The following AQP7 variants were observed in gnomAD, a reference collection of about 807,000 sequenced individuals.
AQP7 encodes aquaporin 7.
AQP7 carries 22 observed loss-of-function variants against 26.1 expected under a neutral mutation model. The ratio of observed to expected loss-of-function variants is 0.84; its 90% confidence interval spans 0.60 to 1.20. The LOEUF (loss-of-function observed/expected upper bound fraction) is 1.20. AQP7 is among the 50% of genes most tolerant of loss of function. AQP7 has a pLI of 0.00. For synonymous variants in AQP7, 167 were observed against 181.7 expected, an observed-to-expected ratio of 0.92 and a Z score of 0.65; for missense variants, 412 against 457.5, an observed-to-expected ratio of 0.90 and a Z score of 0.91.
Position 33,387,004 on chromosome 9 carries a change from A to G in AQP7, c.233T>C (p.Val78Ala). 1.2e-6 allele frequency: 2 copies of G among 1,611,836 alleles called. No individual in the cohort carries two copies. The highest frequency in any genetic ancestry group is 1.7e-6 in the Non-Finnish European group (2 of 1,179,810). Reference sequence around the variant, plus strand: ...GCCTGCCACGTGCACTCCCATGGTGACTCCGAAGCCAAAACCCAAGTTGAC... The same window carrying G: ...GCCTGCCACGTGCACTCCCATGGTGGCTCCGAAGCCAAAACCCAAGTTGAC... ...LGVNLGFGFG[V>A]TMGVHVAGRI... Residue 78 changes from valine to alanine, a missense_variant, in exon 4 of 8, where the codon GTC becomes GCC. Physicochemically the swap from Val to Ala is moderately conservative, Grantham distance 64. Coordinates refer to ENST00000297988, the MANE Select transcript of AQP7 (RefSeq NM_001170.3).
chr9:33,401,209 G>A, intron 2 of AQP7, 28 bp downstream of exon 2: 1 of 1,548,944 alleles, frequency 6.5e-7, no homozygotes, highest in Non-Finnish European at 8.7e-7. Flanking sequence ...CAGGGGGCTG[G>A]AGGGTGAGAA....
Position 33,395,098 on chromosome 9 carries a change from T to C in AQP7, c.124A>G (p.Met42Val), listed in dbSNP as rs1278071704. Reference protein sequence around the residue: ...KMVREFLAEFMSTYVMMVFGL... With the variant: ...KMVREFLAEFVSTYVMMVFGL... ...CTCACCATCATGACATATGTGCTCA[T>C]GAACTCGGCCAGGAACTCTCGCACC... Residue 42 changes from methionine to valine, a missense_variant, in exon 3 of 8, where the codon ATG (methionine) becomes GTG (valine). Physicochemically the swap from Met to Val is conservative, Grantham distance 21. Coordinates refer to ENST00000297988, the MANE Select transcript of AQP7 (RefSeq NM_001170.3). 6.2e-7 allele frequency: 1 copy of C among 1,612,710 alleles called. No homozygotes were observed. The highest frequency in any genetic ancestry group is 8.5e-7 in the Non-Finnish European group (1 of 1,178,948).
At chr9:33,389,228 G>A (rs549635873) in intron 3 of AQP7, among the ~76,000 whole-genome samples, 5 of 152,098 alleles carry the variant, frequency 3.3e-5, no homozygotes, top group Non-Finnish European at 5.9e-5. Flanking sequence ...AGGGTTTCAC[G>A]ATGTTGGCCA....
rs56104042 is a variant in AQP7 at position 33,394,501 on chromosome 9, T to C, written c.144+577A>G. 2.9e-3 allele frequency among the ~76,000 whole-genome samples: 361 copies of C among 125,780 alleles called. 1 individual carries two copies. The highest frequency in any genetic ancestry group is 8.4e-3 in the Middle Eastern group (2 of 238). The allele number at this position is 125,780 out of a possible 152,430, so 82.5% of individuals were successfully genotyped here. A position where few individuals can be genotyped will look rare whatever the true frequency, so the allele number is the denominator to read the frequency against. On this transcript the variant is annotated intron_variant, in intron 3 of 7. Transcript: ENST00000297988. The stretch of plus-strand genomic sequence containing the variant: ...CTCTCTCTCTCTTTTTTTTTTTTTT[T>C]CTTTTTTTTTTTTGAGACAGAGTTT...
intron 2 of AQP7, 87 bp from the exon 3 acceptor site, chr9:33,395,282 T>C (rs144268848): frequency 6.8e-5 from 79 of 1,153,846 alleles, no homozygotes; most frequent in Middle Eastern, 6.3e-4. Context: ...GCTGAGTTAA[T>C]AGGTAACCCA....
intron 4 of AQP7, among the ~76,000 whole-genome samples, 155 bp downstream of exon 4, chr9:33,386,814 G>A (rs553277349): frequency 3.9e-5 from 6 of 152,322 alleles, no homozygotes; most frequent in East Asian, 1.9e-4. Flanking sequence ...GGGCAAACAC[G>A]TCATAGGCAC....
Position 33,385,078 on chromosome 9 carries a change from A to G in AQP7, c.956T>C (p.Val319Ala). The G allele has an allele frequency of 1.2e-6, 2 of 1,611,978 alleles. No homozygotes were observed. Among genetic ancestry groups the G allele is most frequent in the Non-Finnish European group, 1.7e-6 (2 of 1,179,834 alleles). The change falls in exon 8 of 8, where the codon GTG (valine) becomes GCG (alanine). Residue 319 changes from valine to alanine, a missense_variant. Coordinates refer to ENST00000297988, the MANE Select transcript of AQP7 (RefSeq NM_001170.3). Reference protein sequence around the residue: ...PTISPLTPVSVSPANRSSVHP... With the variant: ...PTISPLTPVSASPANRSSVHP... ...GACTGAAGATCTGTTGGCAGGGCTC[A>G]CAGAGACGGGGGTGAGGGGAGAGAT...
At chr9:33,397,870 G>A (rs1564191812) in intron 2 of AQP7, among the ~76,000 whole-genome samples, 2 of 152,156 alleles carry the variant, frequency 1.3e-5, no homozygotes. Flanking sequence ...CAGCTGGCAA[G>A]ACACAGTAAG....
At chr9:33,401,477 C>A in intron 1 of AQP7, 190 bp from the exon 2 acceptor site, 1 of 585,474 alleles carries the variant, frequency 1.7e-6, no homozygotes, top group South Asian at 1.9e-5. Flanking sequence ...AGCCCCACCC[C>A]ACCCATGCTG....
chr9:33,399,916 A>G (rs1826133741), intron 2 of AQP7, among the ~76,000 whole-genome samples: 1 of 152,104 alleles, frequency 6.6e-6, no homozygotes, highest in African/African-American at 2.4e-5. Flanking sequence ...GATGTGAGAC[A>G]TGGGGGAGAG....
chr9:33,394,782 G>A (rs1307431336), intron 3 of AQP7, among the ~76,000 whole-genome samples: 1 of 152,122 alleles, frequency 6.6e-6, no homozygotes, highest in Admixed American at 6.5e-5. Flanking sequence ...ACAGGCATGA[G>A]CCACCGCACC....
chr9:33,386,537 G>A lies in AQP7; in HGVS notation c.273C>T (p.Ala91=). 1 of 1,611,412 alleles carries A rather than the reference G, an allele frequency of 6.2e-7. No homozygotes were observed. The stretch of plus-strand genomic sequence containing the variant: ...CAAAGGTCACAGCTGCGTTCATGTG[G>A]GCTCCTGCGGGCAGCAGGCAAGTGT... The part of the protein sequence containing the change: ...GVHVAGRISG[A]HMNAAVTFAN... Residue 91 remains alanine, a synonymous_variant, in exon 5 of 8, where the codon GCC becomes GCT. Coordinates refer to ENST00000297988, the MANE Select transcript of AQP7 (RefSeq NM_001170.3).
At chr9:33,387,132 GCC>G (rs1318777173) in intron 3 of AQP7, 40 bp from the exon 4 acceptor site, 1 of 1,588,798 alleles carries the variant, frequency 6.3e-7, no homozygotes, top group African/African-American at 1.3e-5. Flanking sequence ...CTGCCCAGAA[GCC>G]CCAACCTCAG....
Position 33,385,795 on chromosome 9 carries a change from T to C in AQP7, c.597A>G (p.Pro199=). 10 of 1,613,224 alleles carry C rather than the reference T, an allele frequency of 6.2e-6. No individual in the cohort carries two copies. Among genetic ancestry groups the C allele is most frequent in the Non-Finnish European group, 8.5e-6 (10 of 1,179,956 alleles). Residue 199 remains proline (P), a synonymous_variant, in exon 7 of 8, where the codon CCA becomes CCG. Coordinates refer to ENST00000297988, the MANE Select transcript of AQP7 (RefSeq NM_001170.3). ...TGCCTATCACCAGCGCCTCTGTTCC[T>C]GGCAGTGCTGGGTTGTTCTCCTGGT... ...ITDQENNPAL[P]GTEALVIGIL... is the part of the protein sequence containing the mutation.
In AQP7 at chr9:33,383,325, A is replaced by AC. The variant is rs1824496727; in HGVS notation, c.*1679dup. The AC allele has an allele frequency of 1.3e-5, 2 of 152,118 alleles. No individual in the cohort carries two copies. Among genetic ancestry groups the AC allele is most frequent in the Admixed American group, 6.6e-5 (1 of 15,266 alleles). 9.4% of individuals were successfully genotyped at this position (152,118 alleles called of 1,614,324 possible). On this transcript the variant is annotated 3_prime_UTR_variant, in exon 8 of 8. Coordinates refer to ENST00000297988, the MANE Select transcript of AQP7 (RefSeq NM_001170.3). ...TGCTCAAGATCACACACATTTTGCC[A>AC]CCCCCCATTCCAAGTCCCATAGGCA...
chr9:33,387,363 C>T (rs1032166493), intron 3 of AQP7, among the ~76,000 whole-genome samples: 2 of 152,104 alleles, frequency 1.3e-5, no homozygotes, highest in Admixed American at 6.5e-5. Context: ...AGCACCTCAG[C>T]CCCAGGCCCA....
rs966442559 is a variant in AQP7 at position 33,384,018 on chromosome 9, A to G, written c.*987T>C. 6.6e-6 allele frequency: 1 copy of G among 152,298 alleles called. No individual in the cohort carries two copies. Among genetic ancestry groups the G allele is most frequent in the African/African-American group, 2.4e-5 (1 of 41,462 alleles). 9.4% of individuals were successfully genotyped at this position (152,298 alleles called of 1,614,324 possible). Reference sequence around the variant, plus strand: ...CAGTGTCCAGGCAGGGCCTGCACACAGTAGATGCACAATAATTATTGAAAG... The same window carrying G: ...CAGTGTCCAGGCAGGGCCTGCACACGGTAGATGCACAATAATTATTGAAAG... On this transcript the variant is annotated 3_prime_UTR_variant, in exon 8 of 8. Coordinates refer to ENST00000297988, the MANE Select transcript of AQP7 (RefSeq NM_001170.3).
chr9:33,399,343 C>G (rs977738595), intron 2 of AQP7, among the ~76,000 whole-genome samples: 4 of 152,106 alleles, frequency 2.6e-5, no homozygotes, highest in African/African-American at 9.6e-5. Context: ...GCCTGTAATC[C>G]CAACACTTTA....
At chr9:33,398,703 T>G (rs1262685643) in intron 2 of AQP7, among the ~76,000 whole-genome samples, 1 of 152,022 alleles carries the variant, frequency 6.6e-6, no homozygotes, top group Non-Finnish European at 1.5e-5. Context: ...CGCTAGACAC[T>G]TGGGTGGGAT....
Sources: allele counts gnomAD v4.1 joint callset (sites outside exome capture counted in the v4.1 genomes callset), GRCh38; gene constraint gnomAD v4.1.1; transcripts MANE v1.5; gene names NCBI Gene and HGNC (gene_info 2026-07-23, HGNC 2026-07-21).